The following CA10 variants were observed in gnomAD, a reference collection of about 807,000 sequenced individuals.
The protein encoded by CA10 is carbonic anhydrase-related protein 10.
In CA10, 14 loss-of-function variants were observed where a neutral mutation model predicts 44.2. The observed-to-expected ratio is 0.32, with a 90% CI of 0.21 to 0.50. CA10 has a LOEUF of 0.50. Among genes scored for constraint, CA10 ranks in the 20% least tolerant of loss-of-function variants. CA10 has a pLI of 0.99. For synonymous variants in CA10, 159 were observed against 141.6 expected (o/e 1.12, Z -0.87); for missense variants, 350 against 409.7 (o/e 0.85, Z 1.26).
At chr17:51,830,524 T>C (rs899081287) in intron 3 of CA10, among the ~76,000 whole-genome samples, 13 of 152,208 alleles carry the variant, frequency 8.5e-5, no homozygotes, top group Non-Finnish European at 1.8e-4. Flanking sequence ...GAGTTTATGA[T>C]CAGTTGATGC....
intron 4 of CA10, among the ~76,000 whole-genome samples, chr17:51,657,569 G>GTATC (rs1193925194): frequency 6.6e-6 from 1 of 152,192 alleles, no homozygotes; most frequent in Admixed American, 6.5e-5. Flanking sequence ...TAGGGACAGA[G>GTATC]TATCAGATTG....
chr17:51,794,772 C>A (rs1160560592), intron 3 of CA10, among the ~76,000 whole-genome samples: 2 of 152,122 alleles, frequency 1.3e-5, no homozygotes, highest in Non-Finnish European at 2.9e-5. Flanking sequence ...AAATTAAAAA[C>A]TAAAGAGTAC....
intron 3 of CA10, among the ~76,000 whole-genome samples, chr17:51,816,149 C>G (rs747458660): frequency 6.6e-6 from 1 of 152,114 alleles, no homozygotes; most frequent in Non-Finnish European, 1.5e-5. Flanking sequence ...TTAGATCACA[C>G]AAATAAGTGA....
chr17:51,716,896 T>C (rs951979212), intron 4 of CA10, among the ~76,000 whole-genome samples: 3 of 152,216 alleles, frequency 2.0e-5, no homozygotes, highest in Non-Finnish European at 4.4e-5. Flanking sequence ...ATCAAGTTTA[T>C]AGTCTTCTGA....
intron 2 of CA10, among the ~76,000 whole-genome samples, chr17:51,989,604 T>C (rs752500144): frequency 2.0e-5 from 3 of 152,108 alleles, no homozygotes; most frequent in Non-Finnish European, 2.9e-5. Flanking sequence ...CCTATAACCA[T>C]AGAATACTAT....
chr17:52,155,237 T>A (rs9903139), intron 1 of CA10, among the ~76,000 whole-genome samples: 290 of 152,328 alleles, frequency 1.9e-3, no homozygotes, highest in African/African-American at 6.3e-3. Context: ...TCAGGAAAAT[T>A]CATTCCAAGA....
intron 3 of CA10, among the ~76,000 whole-genome samples, chr17:51,930,273 AT>A (rs56848452): frequency 2.5e-4 from 37 of 149,970 alleles, no homozygotes; most frequent in African/African-American, 4.6e-4. Flanking sequence ...CTGCATGTGC[AT>A]TTTTTTTTTA....
At chr17:51,925,133 C>T (rs1279151474) in intron 3 of CA10, among the ~76,000 whole-genome samples, 6 of 152,244 alleles carry the variant, frequency 3.9e-5, no homozygotes, top group African/African-American at 1.4e-4. Flanking sequence ...AAGTGATCCT[C>T]TTGCTTTAAG....
At chr17:52,000,594 C>T (rs752590304) in intron 2 of CA10, among the ~76,000 whole-genome samples, 1 of 152,014 alleles carries the variant, frequency 6.6e-6, no homozygotes, top group Non-Finnish European at 1.5e-5. Flanking sequence ...AGGAAATAAG[C>T]ACAGAGTATA....
intron 2 of CA10, among the ~76,000 whole-genome samples, chr17:51,990,664 C>CAT (rs1357390795): frequency 1.3e-5 from 2 of 152,082 alleles, no homozygotes; most frequent in Non-Finnish European, 2.9e-5. Flanking sequence ...ATTCCATTTA[C>CAT]ATTTGCTCAG....
chr17:51,988,287 T>C (rs1266981893), intron 2 of CA10, among the ~76,000 whole-genome samples: 1 of 151,876 alleles, frequency 6.6e-6, no homozygotes, highest in Non-Finnish European at 1.5e-5. Flanking sequence ...ACTTATTAAA[T>C]ATGCAAGTAT....
chr17:51,665,599 T>A (rs151209057), intron 4 of CA10, among the ~76,000 whole-genome samples: 10 of 152,346 alleles, frequency 6.6e-5, no homozygotes, highest in African/African-American at 2.2e-4. Context: ...TGTGTGAACA[T>A]CATAGAGTGT....
intron 3 of CA10, among the ~76,000 whole-genome samples, chr17:51,795,683 T>C (rs774563710): frequency 2.0e-5 from 3 of 152,088 alleles, no homozygotes; most frequent in Non-Finnish European, 4.4e-5. Flanking sequence ...CCAAGTGCCT[T>C]TACTAAAAAT....
chr17:52,045,204 A>G (rs1039488684), intron 2 of CA10, among the ~76,000 whole-genome samples: 5 of 151,906 alleles, frequency 3.3e-5, no homozygotes, highest in Non-Finnish European at 5.9e-5. Flanking sequence ...AGATTTTATT[A>G]TCTAGTAAAA....
rs550826373 is a variant in CA10, at chr17:52,127,226, C to G, written c.61+30500G>C. Among the ~76,000 whole-genome samples, 19 of 152,264 alleles carry G rather than the reference C, an allele frequency of 1.2e-4. No individual in the cohort carries two copies. The East Asian group carries it at 3.3e-3, about 26-fold the overall frequency. ...ATAGCACGCTATACATATTGTCCAG[C>G]AAGTTTGTTTTTGACATATGTCTTG... On this transcript the variant is annotated intron_variant, in intron 1 of 8. Transcript: ENST00000451037.
rs189251538 is a variant in CA10, at chr17:51,701,154, G to T, written c.465+46479C>A. Among the ~76,000 whole-genome samples, 855 of 152,182 alleles carry T rather than the reference G, an allele frequency of 5.6e-3. 4 individuals carry two copies. Among genetic ancestry groups the T allele is most frequent in the Non-Finnish European group, 8.5e-3 (576 of 68,004 alleles). ...GCAGGGTTGGTTCCTTCTGGAGGCT[G>T]GGAAGGGGATCTGTGCTATGCTCTC... On this transcript the variant is annotated intron_variant, in intron 4 of 8. Coordinates refer to ENST00000451037, the MANE Select transcript of CA10 (RefSeq NM_020178.5).
chr17:51,879,759 A>G (rs1289006099), intron 3 of CA10, among the ~76,000 whole-genome samples: 1 of 152,208 alleles, frequency 6.6e-6, no homozygotes, highest in Non-Finnish European at 1.5e-5. Flanking sequence ...CAGAAATGAA[A>G]TGCAAAAAGT....
At chr17:51,719,111 G>A (rs1338735104) in intron 4 of CA10, among the ~76,000 whole-genome samples, 1 of 151,918 alleles carries the variant, frequency 6.6e-6, no homozygotes, top group Non-Finnish European at 1.5e-5. Context: ...CGGAGAAGAG[G>A]GATTTGATGA....
At chr17:51,841,455 T>C (rs183905476) in intron 3 of CA10, among the ~76,000 whole-genome samples, 1 of 152,250 alleles carries the variant, frequency 6.6e-6, no homozygotes, top group Non-Finnish European at 1.5e-5. Flanking sequence ...TGGCAGTGTT[T>C]CTGGTGCACA....
Sources: gnomAD v4.1 joint callset for allele counts (sites outside exome capture counted in the v4.1 genomes callset) on GRCh38, gnomAD v4.1.1 for gene constraint, MANE v1.5 for transcripts, NCBI Gene and HGNC (gene_info 2026-07-23, HGNC 2026-07-21) for gene names.